Variants in PTPRD observed in about 807,000 individuals in gnomAD.
PTPRD encodes the protein receptor-type tyrosine-protein phosphatase delta.
Under a neutral mutation model 214.5 loss-of-function variants are expected in PTPRD, and 34 were observed. That is an observed-to-expected ratio of 0.16 (90% CI 0.12 to 0.21). PTPRD has a LOEUF of 0.21. PTPRD is among the 10% of genes least tolerant of loss of function. The pLI is 1.00. For missense variants in PTPRD, 2,545 were observed against 2,398.7 expected (o/e 1.06, Z -1.27); for synonymous variants, 1,128 against 845.7 (o/e 1.33, Z -5.79).
intron 11 of PTPRD, among the ~76,000 whole-genome samples, chr9:8,894,216 G>C (rs2154243966): frequency 6.6e-6 from 1 of 152,032 alleles, no homozygotes; most frequent in South Asian, 2.1e-4. Context: ...ATAGCCAGGT[G>C]TGGTAATGCG....
chr9:9,019,691 G>A (rs2154368904), intron 10 of PTPRD, among the ~76,000 whole-genome samples: 1 of 152,300 alleles, frequency 6.6e-6, no homozygotes, highest in Admixed American at 6.5e-5. Flanking sequence ...AGGTGACAGA[G>A]TGACACTCCG....
intron 21 of PTPRD, among the ~76,000 whole-genome samples, chr9:8,508,036 C>T (rs2097577275): frequency 6.6e-6 from 1 of 152,104 alleles, no homozygotes; most frequent in African/African-American, 2.4e-5. Context: ...CAAATAATGA[C>T]TTCTAATCTC....
At chr9:9,412,158 T>G (rs1456767898) in intron 8 of PTPRD, among the ~76,000 whole-genome samples, 1 of 152,210 alleles carries the variant, frequency 6.6e-6, no homozygotes, top group Non-Finnish European at 1.5e-5. Flanking sequence ...TTTTCTTTTT[T>G]TGGCCAGAAT....
intron 9 of PTPRD, among the ~76,000 whole-genome samples, chr9:9,246,168 G>C (rs1208417659): frequency 6.6e-6 from 1 of 152,030 alleles, no homozygotes; most frequent in Non-Finnish European, 1.5e-5. Context: ...TTCATTATTA[G>C]ACTCTAGCTC....
At chr9:8,456,146 G>A (rs1281770620) in intron 33 of PTPRD, among the ~76,000 whole-genome samples, 1 of 152,120 alleles carries the variant, frequency 6.6e-6, no homozygotes, top group Non-Finnish European at 1.5e-5. Context: ...TGTGTGCCAG[G>A]CACTCTACTA....
At chr9:9,326,695 T>C (rs1052023734) in intron 9 of PTPRD, among the ~76,000 whole-genome samples, 4 of 150,484 alleles carry the variant, frequency 2.7e-5, no homozygotes, top group African/African-American at 7.3e-5. Context: ...AATCCTGAAA[T>C]AAACTAGAAA....
At chr9:10,356,897 T>C (rs760314628) in intron 2 of PTPRD, among the ~76,000 whole-genome samples, 15 of 151,890 alleles carry the variant, frequency 9.9e-5, no homozygotes, top group Non-Finnish European at 1.9e-4. Flanking sequence ...GTCAGGATGG[T>C]CTCAAACTCC....
intron 7 of PTPRD, among the ~76,000 whole-genome samples, chr9:9,587,027 T>A (rs1177046782): frequency 2.0e-5 from 3 of 151,878 alleles, no homozygotes; most frequent in African/African-American, 2.4e-5. Flanking sequence ...CATAGCAATG[T>A]TGAAAAATAT....
chr9:9,482,354 C>G (rs2095451228), intron 8 of PTPRD, among the ~76,000 whole-genome samples: 1 of 152,146 alleles, frequency 6.6e-6, no homozygotes, highest in African/African-American at 2.4e-5. Flanking sequence ...TTTGATTCAA[C>G]AATATCTAGT....
intron 10 of PTPRD, among the ~76,000 whole-genome samples, chr9:9,049,059 T>C (rs558764911): frequency 2.6e-5 from 4 of 152,346 alleles, no homozygotes; most frequent in African/African-American, 9.6e-5. Flanking sequence ...TCCCTTGCTA[T>C]ATACCAAGCA....
chr9:9,343,590 C>T (rs1365001324), intron 9 of PTPRD, among the ~76,000 whole-genome samples: 1 of 152,128 alleles, frequency 6.6e-6, no homozygotes, highest in Non-Finnish European at 1.5e-5. Flanking sequence ...TAAGCAACTG[C>T]AAATATCAAA....
chr9:9,804,218 A>G (rs181657770), intron 5 of PTPRD, among the ~76,000 whole-genome samples: 2 of 152,226 alleles, frequency 1.3e-5, no homozygotes, highest in Non-Finnish European at 2.9e-5. Context: ...TTTAGCTGAA[A>G]GAAGCTTTGA....
intron 3 of PTPRD, among the ~76,000 whole-genome samples, chr9:10,327,162 T>C (rs1323495): frequency 0.11 from 10,766 of 102,502 alleles, 866 homozygotes; most frequent in Admixed American, 0.25. Flanking sequence ...TGTGCACATA[T>C]ATGTGTGTGT....
At chr9:8,318,010 A>AGAAAAAT in intron 45 of PTPRD, 68 bp from the exon 46 acceptor site, 1 of 1,469,502 alleles carries the variant, frequency 6.8e-7, no homozygotes, top group Non-Finnish European at 9.5e-7. Context: ...AGAAAAATAA[A>AGAAAAAT]AATCAATATT....
chr9:8,965,234 T>G (rs530926467), intron 11 of PTPRD, among the ~76,000 whole-genome samples: 1 of 152,054 alleles, frequency 6.6e-6, no homozygotes, highest in South Asian at 2.1e-4. Flanking sequence ...AAAAAAATAA[T>G]TAGCCAGTTG....
chr9:8,324,257 C>T (rs1212004483), intron 44 of PTPRD, among the ~76,000 whole-genome samples: 1 of 152,088 alleles, frequency 6.6e-6, no homozygotes, highest in African/African-American at 2.4e-5. Flanking sequence ...CCCAGGCCCC[C>T]ACCCCCTGGC....
At chr9:8,926,486 C>T (rs2098894594) in intron 11 of PTPRD, among the ~76,000 whole-genome samples, 1 of 152,074 alleles carries the variant, frequency 6.6e-6, no homozygotes, top group Non-Finnish European at 1.5e-5. Context: ...ATGGTTTCTC[C>T]TATGTGACCC....
intron 44 of PTPRD, among the ~76,000 whole-genome samples, chr9:8,324,230 C>T (rs1831293688): frequency 6.6e-6 from 1 of 151,940 alleles, no homozygotes; most frequent in Non-Finnish European, 1.5e-5. Flanking sequence ...AGGTATATCT[C>T]CTGATGCTAT....
chr9:9,599,946 T>G (rs1362086235), intron 7 of PTPRD, among the ~76,000 whole-genome samples: 2 of 152,052 alleles, frequency 1.3e-5, no homozygotes, highest in Non-Finnish European at 2.9e-5. Flanking sequence ...ACAGAATTAT[T>G]TAATATTGTT....
Sources: gnomAD v4.1 joint callset for allele counts (sites outside exome capture counted in the v4.1 genomes callset) on GRCh38, gnomAD v4.1.1 for gene constraint, MANE v1.5 for transcripts, NCBI Gene and HGNC (gene_info 2026-07-23, HGNC 2026-07-21) for gene names.